Variants in APC observed in about 807,000 individuals in gnomAD.
APC encodes APC regulator of Wnt signaling pathway.
A neutral mutation model predicts 247.0 loss-of-function variants in APC; 72 were observed. That is an observed-to-expected ratio of 0.29 (90% CI 0.24 to 0.35). The LOEUF (loss-of-function observed/expected upper bound fraction) is 0.35, where lower values mean the gene tolerates loss of function less well. Ranked by LOEUF, APC falls within the 10% of genes least tolerant of loss-of-function variation. The pLI is 1.00. For synonymous variants in APC, 1,254 were observed against 1,162.5 expected, an observed-to-expected ratio of 1.08 and a Z score of -1.60; for missense variants, 3,400 against 3,360.7, an observed-to-expected ratio of 1.01 and a Z score of -0.29.
intron 7 of APC, among the ~76,000 whole-genome samples, chr5:112,799,057 A>G (rs995370564): frequency 1.3e-5 from 2 of 151,970 alleles, no homozygotes; most frequent in African/African-American, 2.4e-5. Context: ...TAAAAATACA[A>G]AACATAACCA....
chr5:112,783,907 A>T (rs977385189), intron 6 of APC: 12 of 248,294 alleles, frequency 4.8e-5, no homozygotes, highest in South Asian at 3.7e-4. Flanking sequence ...TTGTGAAAAG[A>T]TGCTTAAACA....
chr5:112,742,340 T>C (rs1275943105), intron 1 of APC, among the ~76,000 whole-genome samples: 2 of 152,214 alleles, frequency 1.3e-5, no homozygotes, highest in Non-Finnish European at 2.9e-5. Context: ...TACATTCTTA[T>C]ACATATCTCC....
rs1554080012 is a variant in APC, at chr5:112,819,132, C to G, written c.1100C>G (p.Ser367Cys). 1 of 1,614,074 alleles carries G rather than the reference C, an allele frequency of 6.2e-7. No homozygotes were observed. The highest frequency in any genetic ancestry group is 8.5e-7 in the Non-Finnish European group (1 of 1,179,992). Residue 367 changes from serine (S) to cysteine (C), a missense_variant, in exon 10 of 16, where the codon TCT (serine) becomes TGT (cysteine). Physicochemically the swap from Ser to Cys is moderately radical, Grantham distance 112. This residue lies in a region of APC where 199 missense variants were observed against 212.5 expected (regional missense o/e 0.94). Transcript: ENST00000257430. ...CTTTTACATGGCAATGACAAAGACTCTGTATTGTTGGGAAATTCCCGGGGC... is the reference window on the plus strand; with the variant it reads ...CTTTTACATGGCAATGACAAAGACTGTGTATTGTTGGGAAATTCCCGGGGC... Reference protein sequence around the residue: ...IQLLHGNDKDSVLLGNSRGSK... With the variant: ...IQLLHGNDKDCVLLGNSRGSK...
chr5:112,797,383 G>A (rs931327838), intron 7 of APC, among the ~76,000 whole-genome samples: 19 of 152,254 alleles, frequency 1.2e-4, no homozygotes, highest in African/African-American at 4.1e-4. Flanking sequence ...AGTTCATAGA[G>A]CAGTAGATAT....
At chr5:112,724,047 C>A (rs995670050) in intron 1 of APC, among the ~76,000 whole-genome samples, 1 of 152,114 alleles carries the variant, frequency 6.6e-6, no homozygotes, top group African/African-American at 2.4e-5. Context: ...GGCTCCCTTT[C>A]CCTAATCCTA....
At chr5:112,749,970 T>G (rs1380980995) in intron 1 of APC, among the ~76,000 whole-genome samples, 5 of 147,028 alleles carry the variant, frequency 3.4e-5, no homozygotes, top group Admixed American at 6.7e-5. Context: ...TTTTTTTTGT[T>G]TTTTTTTTTT....
chr5:112,795,905 C>T (rs928576629), intron 7 of APC, among the ~76,000 whole-genome samples: 4 of 151,982 alleles, frequency 2.6e-5, no homozygotes, highest in African/African-American at 9.7e-5. Flanking sequence ...GAAGGGACAT[C>T]CTGAGATAAA....
chr5:112,707,540 G>A lies in APC; in HGVS notation c.-178G>A, dbSNP rs1045323633. The A allele has an allele frequency of 2.7e-5, 14 of 521,166 alleles. No homozygotes were observed. Among genetic ancestry groups the A allele is most frequent in the South Asian group, 9.6e-5 (5 of 52,034 alleles). 32.3% of individuals were successfully genotyped at this position (521,166 alleles called of 1,614,324 possible). A position where few individuals can be genotyped will look rare whatever the true frequency, so the allele number is the denominator to read the frequency against. On this transcript the variant is annotated 5_prime_UTR_variant, in exon 1 of 14. Coordinates refer to the APC transcript ENST00000507379. The stretch of plus-strand genomic sequence containing the variant: ...CCTCCCACAAGATGGCGGAGGGCAA[G>A]TAGCAAGGGGGCGGGGTGTGGCCGC...
intron 6 of APC, among the ~76,000 whole-genome samples, chr5:112,785,215 T>C (rs1479771294): frequency 6.6e-6 from 1 of 152,206 alleles, no homozygotes; most frequent in Non-Finnish European, 1.5e-5. Flanking sequence ...CCTACACTAT[T>C]TTTGAACTAG....
intron 7 of APC, among the ~76,000 whole-genome samples, chr5:112,794,595 A>G (rs1013061397): frequency 5.9e-5 from 9 of 152,172 alleles, no homozygotes; most frequent in Non-Finnish European, 1.2e-4. Flanking sequence ...ACTGCTGCCA[A>G]GCTGTCTATA....
chr5:112,809,380 T>C (rs1761748953), intron 8 of APC, among the ~76,000 whole-genome samples: 1 of 151,418 alleles, frequency 6.6e-6, no homozygotes, highest in African/African-American at 2.4e-5. Context: ...AAAGTAGAAA[T>C]GTGAGGTAGG....
At chr5:112,729,434 C>T (rs1216566498) in intron 1 of APC, among the ~76,000 whole-genome samples, 1 of 152,116 alleles carries the variant, frequency 6.6e-6, no homozygotes, top group African/African-American at 2.4e-5. Context: ...ACATTTTTGC[C>T]AAAACCTGAA....
chr5:112,726,196 G>T lies in APC; in HGVS notation c.165+18314G>T, dbSNP rs188703824. 9.2e-5 allele frequency among the ~76,000 whole-genome samples: 14 copies of T among 152,328 alleles called. No homozygotes were observed. In the East Asian group the frequency reaches 2.3e-3, roughly 25 times the overall value. On this transcript the variant is annotated intron_variant, in intron 1 of 13. Coordinates refer to the APC transcript ENST00000507379. ...AGTGAGCCCCTTTAGCCTTGCAGAC[G>T]ACTTAAGTGTTAACCAGCTAAGTAC...
At chr5:112,835,837 T>G (rs1447409291) in intron 15 of APC, among the ~76,000 whole-genome samples, 1 of 151,874 alleles carries the variant, frequency 6.6e-6, no homozygotes, top group Non-Finnish European at 1.5e-5. Context: ...CCTCCCTAAG[T>G]GCTGGGATTA....
At position 112,767,196 on chromosome 5, in the gene APC, C is replaced by T. The variant is rs766325173; in HGVS notation, c.228C>T (p.Asn76=). 9.3e-6 allele frequency: 15 copies of T among 1,613,320 alleles called. No homozygotes were observed. Among genetic ancestry groups the T allele is most frequent in the Non-Finnish European group, 1.2e-5 (14 of 1,179,388 alleles). The change falls in exon 4 of 16, where the codon AAC becomes AAT. Residue 76 remains asparagine, a synonymous_variant. Coordinates refer to ENST00000257430, the MANE Select transcript of APC (RefSeq NM_000038.6). ...TGTTTCTATTTTATTTAGAGCTTAA[C>T]TTAGATAGCAGTAATTTCCCTGGAG... ...IDLLERLKEL[N]LDSSNFPGVK...
intron 9 of APC, among the ~76,000 whole-genome samples, chr5:112,817,346 A>G (rs1056174287): frequency 6.6e-6 from 1 of 152,198 alleles, no homozygotes; most frequent in African/African-American, 2.4e-5. Context: ...ACTAATGTTG[A>G]TTTAAGTAAT....
chr5:112,794,218 A>T (rs1759956202), intron 7 of APC, among the ~76,000 whole-genome samples: 1 of 151,836 alleles, frequency 6.6e-6, no homozygotes, highest in African/African-American at 2.4e-5. Context: ...TCAGCCCCCG[A>T]GTAGCTCATG....
chr5:112,802,612 A>G (rs1760947070), intron 8 of APC, among the ~76,000 whole-genome samples: 1 of 152,138 alleles, frequency 6.6e-6, no homozygotes, highest in Non-Finnish European at 1.5e-5. Flanking sequence ...CTACATCAAA[A>G]TAAATTCTAA....
chr5:112,813,294 G>A (rs1434796602), intron 8 of APC, among the ~76,000 whole-genome samples: 4 of 152,212 alleles, frequency 2.6e-5, no homozygotes, highest in Middle Eastern at 3.4e-3. Context: ...TATTGTGAAC[G>A]ATGATCTAAA....
Sources: gnomAD v4.1 joint callset for allele counts (sites outside exome capture counted in the v4.1 genomes callset) on GRCh38, gnomAD v4.1.1 for gene constraint, gnomAD v4.1.1 regional missense constraint, MANE v1.5 for transcripts, NCBI Gene and HGNC (gene_info 2026-07-23, HGNC 2026-07-21) for gene names.